The following CDH18 variants were observed in gnomAD, a reference collection of about 807,000 sequenced individuals.
CDH18 encodes the protein cadherin 18.
A neutral mutation model predicts 67.9 loss-of-function variants in CDH18; 31 were observed. The ratio of observed to expected loss-of-function variants is 0.46; its 90% confidence interval spans 0.34 to 0.62. CDH18 has a LOEUF of 0.62. CDH18 is among the 20% of genes least tolerant of loss of function. CDH18 has a pLI of 0.01. For synonymous variants in CDH18, 362 were observed against 347.2 expected (o/e 1.04, Z -0.48); for missense variants, 890 against 975.5 (o/e 0.91, Z 1.17).
chr5:20,399,029 A>G (rs1745541892), intron 1 of CDH18, among the ~76,000 whole-genome samples: 1 of 152,244 alleles, frequency 6.6e-6, no homozygotes, highest in African/African-American at 2.4e-5. Flanking sequence ...CGTTCAGCAC[A>G]TGTATCCCAA....
chr5:20,333,869 T>C (rs1207031050), intron 1 of CDH18, among the ~76,000 whole-genome samples: 2 of 142,216 alleles, frequency 1.4e-5, no homozygotes, highest in Non-Finnish European at 3.1e-5. Flanking sequence ...ATAAGAAAAA[T>C]TTAAAGATGA....
chr5:19,482,780 T>A (rs1183201941), intron 12 of CDH18, among the ~76,000 whole-genome samples: 1 of 152,154 alleles, frequency 6.6e-6, no homozygotes, highest in Non-Finnish European at 1.5e-5. Context: ...AAGTTTACTG[T>A]CTTTGCAAAT....
At chr5:20,121,328 G>T (rs762252505) in intron 2 of CDH18, among the ~76,000 whole-genome samples, 1 of 152,142 alleles carries the variant, frequency 6.6e-6, no homozygotes, top group Non-Finnish European at 1.5e-5. Flanking sequence ...AAGGATTAAA[G>T]AAAATGAAAT....
intron 5 of CDH18, among the ~76,000 whole-genome samples, chr5:19,688,777 T>C (rs1423356256): frequency 6.6e-6 from 1 of 151,566 alleles, no homozygotes; most frequent in African/African-American, 2.4e-5. Flanking sequence ...ACAGACAAAA[T>C]AATACAAATA....
At chr5:20,542,308 T>C (rs1458572353) in intron 1 of CDH18, among the ~76,000 whole-genome samples, 1 of 151,644 alleles carries the variant, frequency 6.6e-6, no homozygotes, top group Non-Finnish European at 1.5e-5. Flanking sequence ...GCTAAACAAA[T>C]AGTAATTACT....
intron 2 of CDH18, among the ~76,000 whole-genome samples, chr5:20,000,575 A>G (rs1736363856): frequency 6.6e-6 from 1 of 152,220 alleles, no homozygotes; most frequent in Non-Finnish European, 1.5e-5. Context: ...AACATTTTGA[A>G]GAGATAGCCA....
At chr5:19,724,058 C>T (rs1466087102) in intron 4 of CDH18, among the ~76,000 whole-genome samples, 1 of 152,128 alleles carries the variant, frequency 6.6e-6, no homozygotes, top group Non-Finnish European at 1.5e-5. Flanking sequence ...GAAAAACCTG[C>T]TTACAAATAT....
chr5:19,751,028 A>C (rs1019218002), intron 3 of CDH18, among the ~76,000 whole-genome samples: 1 of 152,156 alleles, frequency 6.6e-6, no homozygotes, highest in African/African-American at 2.4e-5. Flanking sequence ...AAGAAAATGC[A>C]GTCACCCTAG....
At position 19,654,624 on chromosome 5, in the gene CDH18, G is replaced by C. The variant is rs565279523; in HGVS notation, c.644-42023C>G. On this transcript the variant is annotated intron_variant, in intron 5 of 12. Coordinates refer to ENST00000382275, the MANE Select transcript of CDH18 (RefSeq NM_004934.5). ...CTGAAGCTCCAGTGGGCATGCTACT[G>C]TGCTCTTTTAGCTTTGCTGCTCACT... is the stretch of plus-strand genomic sequence containing the variant. Among the ~76,000 whole-genome samples the C allele has an allele frequency of 3.9e-5, 6 of 152,296 alleles. No homozygotes were observed. In the South Asian group the frequency reaches 1.2e-3, roughly 32 times the overall value.
chr5:20,290,693 G>T (rs1037699216), intron 1 of CDH18, among the ~76,000 whole-genome samples: 1 of 152,144 alleles, frequency 6.6e-6, no homozygotes, highest in Non-Finnish European at 1.5e-5. Context: ...CCAAGCAAAG[G>T]TGATATGTTC....
chr5:19,820,068 G>A (rs1319584219), intron 3 of CDH18, among the ~76,000 whole-genome samples: 2 of 152,164 alleles, frequency 1.3e-5, no homozygotes, highest in East Asian at 3.9e-4. Flanking sequence ...ACACCCAGGA[G>A]TATTGAGGTA....
At chr5:19,572,854 C>G (rs964019997) in intron 7 of CDH18, among the ~76,000 whole-genome samples, 2 of 152,072 alleles carry the variant, frequency 1.3e-5, no homozygotes, top group African/African-American at 4.8e-5. Flanking sequence ...GAAAGAGGAT[C>G]CTTATCAGGA....
chr5:20,379,863 G>C (rs1300563652), intron 1 of CDH18, among the ~76,000 whole-genome samples: 1 of 151,852 alleles, frequency 6.6e-6, no homozygotes, highest in Non-Finnish European at 1.5e-5. Context: ...AAAAAGGTGT[G>C]AGCCAGCCAG....
At chr5:20,393,718 T>C (rs1295542176) in intron 1 of CDH18, among the ~76,000 whole-genome samples, 3 of 151,976 alleles carry the variant, frequency 2.0e-5, no homozygotes, top group African/African-American at 4.8e-5. Context: ...AGCATTGCTA[T>C]ACACCAACAA....
chr5:19,550,295 T>G (rs901743337), intron 8 of CDH18, among the ~76,000 whole-genome samples: 7 of 152,070 alleles, frequency 4.6e-5, no homozygotes, highest in Admixed American at 3.9e-4. Context: ...TAAGTTTTAG[T>G]GTACATGTGC....
chr5:20,500,982 T>A (rs558910725), intron 1 of CDH18, among the ~76,000 whole-genome samples: 4 of 152,256 alleles, frequency 2.6e-5, no homozygotes, highest in East Asian at 3.9e-4. Flanking sequence ...TTTAGTATCA[T>A]AGAACTCAAC....
intron 1 of CDH18, among the ~76,000 whole-genome samples, chr5:20,501,645 C>CAGG (rs1754334084): frequency 7.7e-6 from 1 of 129,600 alleles, no homozygotes; most frequent in Admixed American, 8.4e-5. Context: ...GTGGCCCAGG[C>CAGG]AGGAGTGCAG....
At chr5:20,436,483 A>G (rs1277972200) in intron 1 of CDH18, among the ~76,000 whole-genome samples, 1 of 151,906 alleles carries the variant, frequency 6.6e-6, no homozygotes, top group East Asian at 1.9e-4. Context: ...TATTATCAAT[A>G]AATATAATCT....
At chr5:19,860,003 T>G (rs1316898254) in intron 2 of CDH18, among the ~76,000 whole-genome samples, 1 of 151,606 alleles carries the variant, frequency 6.6e-6, no homozygotes, top group African/African-American at 2.4e-5. Context: ...TGTGTGTGTG[T>G]GTGTGTGTGT....
Sources: gnomAD v4.1 joint callset for allele counts (sites outside exome capture counted in the v4.1 genomes callset) on GRCh38, gnomAD v4.1.1 for gene constraint, MANE v1.5 for transcripts, NCBI Gene and HGNC (gene_info 2026-07-23, HGNC 2026-07-21) for gene names.